Variants in CSMD1 observed in about 807,000 individuals in gnomAD.
CSMD1 encodes CUB and sushi domain-containing protein 1.
Under a neutral mutation model 417.5 loss-of-function variants are expected in CSMD1, and 213 were observed. That is an observed-to-expected ratio of 0.51 (90% CI 0.46 to 0.57). CSMD1 has a LOEUF of 0.57. Among genes scored for constraint, CSMD1 ranks in the 20% least tolerant of loss-of-function variants. The probability of loss-of-function intolerance (pLI) is 0.00; values close to 1 mark genes in which losing one functional copy is unlikely to be tolerated. For synonymous variants in CSMD1, 2,862 were observed against 1,736.8 expected (o/e 1.65, Z -16.11); for missense variants, 6,923 against 4,529.7 (o/e 1.53, Z -15.17).
chr8:4,332,369 A>T (rs1799914397), intron 3 of CSMD1, among the ~76,000 whole-genome samples: 1 of 152,092 alleles, frequency 6.6e-6, no homozygotes, highest in South Asian at 2.1e-4. Flanking sequence ...ATTGCACTCA[A>T]ATTAACGATT....
At position 4,783,914 on chromosome 8, in the gene CSMD1, G is replaced by A. The variant is rs113275572; in HGVS notation, c.86-146356C>T. Among the ~76,000 whole-genome samples, 577 of 152,236 alleles carry A rather than the reference G, an allele frequency of 3.8e-3. 10 individuals are homozygous for A. The highest frequency in any genetic ancestry group is 0.014 in the East Asian group (71 of 5,178). On this transcript the variant is annotated intron_variant, in intron 1 of 69. Transcript: ENST00000635120. ...ATATTTCCACACACTGAATTTGACC[G>A]TGAATAAAAGTTGGCTCAATATAGA...
chr8:4,488,262 G>A (rs909340338), intron 2 of CSMD1, among the ~76,000 whole-genome samples: 2 of 152,240 alleles, frequency 1.3e-5, no homozygotes, highest in South Asian at 4.1e-4. Flanking sequence ...GACTCCCTGG[G>A]AGCTGAAATG....
chr8:3,995,819 T>G (rs12680540), intron 5 of CSMD1, among the ~76,000 whole-genome samples: 1 of 151,936 alleles, frequency 6.6e-6, no homozygotes, highest in South Asian at 2.1e-4. Flanking sequence ...AGAGAGCAGC[T>G]AAGCTAACAG....
At chr8:4,762,511 T>C (rs1052091080) in intron 1 of CSMD1, among the ~76,000 whole-genome samples, 5 of 152,208 alleles carry the variant, frequency 3.3e-5, no homozygotes, top group African/African-American at 4.8e-5. Flanking sequence ...TAGGTAAGCA[T>C]ATATGTCTCC....
intron 11 of CSMD1, among the ~76,000 whole-genome samples, chr8:3,492,020 G>C (rs916186627): frequency 1.3e-5 from 2 of 152,174 alleles, no homozygotes; most frequent in African/African-American, 4.8e-5. Context: ...AAATGGGAGG[G>C]GTAGGAAGGG....
chr8:3,387,805 G>T, intron 17 of CSMD1, 123 bp from the exon 18 acceptor site: 1 of 770,316 alleles, frequency 1.3e-6, no homozygotes, highest in South Asian at 1.9e-5. Context: ...TTATGCAAGT[G>T]AACCCAACAA....
At chr8:4,922,266 T>C (rs1404682380) in intron 1 of CSMD1, among the ~76,000 whole-genome samples, 2 of 152,178 alleles carry the variant, frequency 1.3e-5, no homozygotes, top group Non-Finnish European at 2.9e-5. Flanking sequence ...GTACACTGAA[T>C]GTGTTGTTTA....
chr8:4,229,964 C>T (rs1010866522), intron 3 of CSMD1, among the ~76,000 whole-genome samples: 10 of 152,120 alleles, frequency 6.6e-5, no homozygotes, highest in Admixed American at 6.5e-5. Flanking sequence ...ACTTTTACGT[C>T]CTAAAGCCGA....
intron 50 of CSMD1, 125 bp from the exon 51 acceptor site, chr8:3,029,638 C>CCTAT (rs1810206698): frequency 1.1e-5 from 8 of 717,768 alleles, no homozygotes; most frequent in Admixed American, 2.7e-5. Context: ...GATGCCATTA[C>CCTAT]GTATTATCTC....
intron 5 of CSMD1, among the ~76,000 whole-genome samples, chr8:3,757,281 T>A (rs931746442): frequency 6.6e-6 from 1 of 152,200 alleles, no homozygotes; most frequent in South Asian, 2.1e-4. Flanking sequence ...AGGGAGTACG[T>A]ACGTATTTCA....
chr8:3,853,908 T>G (rs1438105617), intron 5 of CSMD1, among the ~76,000 whole-genome samples: 1 of 146,378 alleles, frequency 6.8e-6, no homozygotes, highest in Non-Finnish European at 1.5e-5. Context: ...AATATATTAA[T>G]ACATTAAAGT....
chr8:3,569,098 G>C (rs1799838492), intron 10 of CSMD1, among the ~76,000 whole-genome samples: 1 of 152,030 alleles, frequency 6.6e-6, no homozygotes, highest in African/African-American at 2.4e-5. Flanking sequence ...CTTTCTACCA[G>C]AATACCCTGG....
At chr8:3,609,379 T>C (rs1801778074) in intron 8 of CSMD1, among the ~76,000 whole-genome samples, 1 of 152,228 alleles carries the variant, frequency 6.6e-6, no homozygotes, top group Non-Finnish European at 1.5e-5. Context: ...CTTTGTCTTT[T>C]AGACAGTGGT....
At chr8:3,711,068 C>G (rs1213234419) in intron 6 of CSMD1, among the ~76,000 whole-genome samples, 1 of 152,134 alleles carries the variant, frequency 6.6e-6, no homozygotes, top group African/African-American at 2.4e-5. Flanking sequence ...AGATATTTTC[C>G]TATAGCAAAT....
At chr8:3,874,297 G>A (rs1016548939) in intron 5 of CSMD1, among the ~76,000 whole-genome samples, 2 of 152,142 alleles carry the variant, frequency 1.3e-5, no homozygotes, top group South Asian at 4.1e-4. Flanking sequence ...TGGACCACCT[G>A]TACTTTGGAA....
intron 2 of CSMD1, among the ~76,000 whole-genome samples, chr8:4,562,583 A>G (rs1798394750): frequency 6.6e-6 from 1 of 152,292 alleles, no homozygotes; most frequent in Non-Finnish European, 1.5e-5. Flanking sequence ...TATCCTGACT[A>G]CTGAAATAAT....
intron 1 of CSMD1, among the ~76,000 whole-genome samples, chr8:4,793,966 T>A (rs981428737): frequency 6.6e-6 from 1 of 152,136 alleles, no homozygotes; most frequent in African/African-American, 2.4e-5. Context: ...CTGTTAGGAA[T>A]AGTTAACTAC....
chr8:3,059,011 G>A (rs953111599), intron 49 of CSMD1, among the ~76,000 whole-genome samples: 3 of 152,042 alleles, frequency 2.0e-5, no homozygotes, highest in Admixed American at 1.3e-4. Flanking sequence ...TTTGGGGAAA[G>A]GAGGATGTGT....
chr8:4,955,898 G>C (rs1052981104), intron 1 of CSMD1, among the ~76,000 whole-genome samples: 2 of 152,154 alleles, frequency 1.3e-5, no homozygotes, highest in African/African-American at 4.8e-5. Flanking sequence ...AACTTCAGAG[G>C]CAAAAAATTA....
Sources: allele counts gnomAD v4.1 joint callset (sites outside exome capture counted in the v4.1 genomes callset), GRCh38; gene constraint gnomAD v4.1.1; transcripts MANE v1.5; gene names NCBI Gene and HGNC (gene_info 2026-07-23, HGNC 2026-07-21).